Variants in SRGAP1 observed in about 807,000 individuals in gnomAD.
SRGAP1 encodes the protein SLIT-ROBO Rho GTPase-activating protein 1.
SRGAP1 carries 43 observed loss-of-function variants against 121.9 expected under a neutral mutation model. That is an observed-to-expected ratio of 0.35 (90% CI 0.28 to 0.46). The LOEUF is 0.46. Ranked by LOEUF, SRGAP1 falls within the 20% of genes least tolerant of loss-of-function variation. SRGAP1 has a pLI of 1.00. For missense variants in SRGAP1, 1,102 were observed against 1,350.9 expected, an observed-to-expected ratio of 0.82 and a Z score of 2.89; for synonymous variants, 447 against 485.4, an observed-to-expected ratio of 0.92 and a Z score of 1.04.
intron 18 of SRGAP1, among the ~76,000 whole-genome samples, chr12:64,118,468 C>A (rs1333207861): frequency 6.6e-6 from 1 of 152,024 alleles, no homozygotes; most frequent in African/African-American, 2.4e-5. Flanking sequence ...TGCCGTGTTC[C>A]CCAGGCTGGT....
At chr12:64,104,504 C>T (rs1435555081) in intron 15 of SRGAP1, among the ~76,000 whole-genome samples, 1 of 152,168 alleles carries the variant, frequency 6.6e-6, no homozygotes, top group African/African-American at 2.4e-5. Context: ...CACTCAGAGC[C>T]AGCTAGGAAC....
At chr12:63,862,490 A>G (rs1899488965) in intron 1 of SRGAP1, among the ~76,000 whole-genome samples, 1 of 152,150 alleles carries the variant, frequency 6.6e-6, no homozygotes, top group Non-Finnish European at 1.5e-5. Context: ...CTTGACTTTT[A>G]TTATTCTGAA....
intron 16 of SRGAP1, among the ~76,000 whole-genome samples, chr12:64,109,806 G>A (rs555735735): frequency 4.6e-5 from 7 of 152,198 alleles, no homozygotes; most frequent in South Asian, 2.1e-4. Flanking sequence ...CCTAAAATTC[G>A]GATATTTTCT....
At chr12:63,889,310 C>T (rs1900498119) in intron 1 of SRGAP1, among the ~76,000 whole-genome samples, 1 of 152,156 alleles carries the variant, frequency 6.6e-6, no homozygotes. Flanking sequence ...GCCCTGCTGA[C>T]AGCATACCAA....
intron 19 of SRGAP1, among the ~76,000 whole-genome samples, chr12:64,127,087 T>C (rs1192855478): frequency 6.6e-6 from 1 of 152,226 alleles, no homozygotes; most frequent in Non-Finnish European, 1.5e-5. Context: ...CTAGGAGCAA[T>C]AGGCTCCACC....
chr12:63,884,692 G>T (rs1381926585), intron 1 of SRGAP1, among the ~76,000 whole-genome samples: 1 of 148,816 alleles, frequency 6.7e-6, no homozygotes, highest in Admixed American at 6.7e-5. Context: ...CCCTCTTCCC[G>T]CTTCCCAGTC....
intron 4 of SRGAP1, among the ~76,000 whole-genome samples, chr12:64,031,069 G>A (rs780865274): frequency 2.0e-5 from 3 of 152,094 alleles, no homozygotes; most frequent in Non-Finnish European, 4.4e-5. Context: ...TGTAATCCCA[G>A]CACTTTGGGA....
chr12:63,934,019 C>G (rs1207426356), intron 1 of SRGAP1, among the ~76,000 whole-genome samples: 4 of 152,136 alleles, frequency 2.6e-5, no homozygotes, highest in African/African-American at 9.7e-5. Flanking sequence ...TTAAAATAAC[C>G]TCTATGCCAA....
intron 1 of SRGAP1, among the ~76,000 whole-genome samples, chr12:63,870,068 A>G (rs968699254): frequency 6.6e-6 from 1 of 152,224 alleles, no homozygotes; most frequent in African/African-American, 2.4e-5. Context: ...TTAAATGCTT[A>G]CATTGCATGT....
intron 1 of SRGAP1, among the ~76,000 whole-genome samples, chr12:63,902,142 C>T (rs1357356921): frequency 6.6e-6 from 1 of 152,264 alleles, no homozygotes; most frequent in East Asian, 1.9e-4. Flanking sequence ...TGGTGAAACC[C>T]CATCGCTATT....
At chr12:64,142,170 A>G (rs1592359961) in intron 21 of SRGAP1, 125 bp from the exon 22 acceptor site, 1 of 934,856 alleles carries the variant, frequency 1.1e-6, no homozygotes, top group East Asian at 2.4e-5. Context: ...TATTCTGCAG[A>G]CTATGGAGTC....
At chr12:64,130,131 C>T (rs1014882724) in intron 21 of SRGAP1, among the ~76,000 whole-genome samples, 1 of 152,144 alleles carries the variant, frequency 6.6e-6, no homozygotes. Context: ...TACTAAGAAA[C>T]GCCCTAATGG....
At chr12:63,941,930 A>G (rs1227252877) in intron 1 of SRGAP1, among the ~76,000 whole-genome samples, 1 of 152,144 alleles carries the variant, frequency 6.6e-6, no homozygotes, top group African/African-American at 2.4e-5. Context: ...TGGTTTGGAA[A>G]TCAGAAGTTC....
intron 1 of SRGAP1, among the ~76,000 whole-genome samples, chr12:63,889,988 CTGTT>C (rs1471870168): frequency 6.6e-6 from 1 of 151,874 alleles, no homozygotes; most frequent in African/African-American, 2.4e-5. Context: ...TTTGCTTTAT[CTGTT>C]TGTTCCATGA....
At chr12:63,855,853 T>C (rs1341131228) in intron 1 of SRGAP1, among the ~76,000 whole-genome samples, 1 of 152,182 alleles carries the variant, frequency 6.6e-6, no homozygotes, top group African/African-American at 2.4e-5. Context: ...GTATATCTTA[T>C]TGATTTGTGA....
chr12:63,957,570 G>A (rs1385281003), intron 1 of SRGAP1, among the ~76,000 whole-genome samples: 1 of 152,070 alleles, frequency 6.6e-6, no homozygotes, highest in Non-Finnish European at 1.5e-5. Context: ...TGTGTCTGTG[G>A]CAACTTCTAG....
chr12:64,052,576 C>T (rs1313924813), intron 6 of SRGAP1, among the ~76,000 whole-genome samples: 2 of 150,672 alleles, frequency 1.3e-5, no homozygotes, highest in Non-Finnish European at 1.5e-5. Flanking sequence ...ACAAAATAAA[C>T]GTATATGTTT....
intron 3 of SRGAP1, among the ~76,000 whole-genome samples, chr12:63,999,595 C>T (rs2033817080): frequency 6.6e-6 from 1 of 152,044 alleles, no homozygotes; most frequent in African/African-American, 2.4e-5. Context: ...TCAGAGGTGA[C>T]ACCCAGGCTT....
chr12:63,924,148 A>G (rs1168775094), intron 1 of SRGAP1, among the ~76,000 whole-genome samples: 1 of 151,886 alleles, frequency 6.6e-6, no homozygotes, highest in Non-Finnish European at 1.5e-5. Context: ...ACAGAGAAAG[A>G]CCCCATTTAA....
Sources: gnomAD v4.1 joint callset for allele counts (sites outside exome capture counted in the v4.1 genomes callset) on GRCh38, gnomAD v4.1.1 for gene constraint, MANE v1.5 for transcripts, NCBI Gene and HGNC (gene_info 2026-07-23, HGNC 2026-07-21) for gene names.